Variants in POGZ observed in about 807,000 individuals in gnomAD.
The protein encoded by POGZ is pogo transposable element with ZNF domain.
In POGZ, 17 loss-of-function variants were observed where a neutral mutation model predicts 134.6. That is an observed-to-expected ratio of 0.13 (90% CI 0.09 to 0.19). POGZ has a LOEUF of 0.19. Ranked by LOEUF, POGZ falls within the 10% of genes least tolerant of loss-of-function variation. POGZ has a pLI of 1.00. For synonymous variants in POGZ, 693 were observed against 657.1 expected (o/e 1.05, Z -0.84); for missense variants, 1,306 against 1,769.7 (o/e 0.74, Z 4.70).
At chr1:151,448,957 A>T (rs145388173) in intron 1 of POGZ, among the ~76,000 whole-genome samples, 3 of 152,316 alleles carry the variant, frequency 2.0e-5, no homozygotes, top group African/African-American at 7.2e-5. Flanking sequence ...ATTTCAAACG[A>T]AATTCTCAAC....
chr1:151,452,308 A>G (rs559929322), intron 1 of POGZ, among the ~76,000 whole-genome samples: 4 of 151,944 alleles, frequency 2.6e-5, no homozygotes, highest in African/African-American at 9.6e-5. Context: ...TTTAATAGAA[A>G]TATCTTGAAA....
intron 1 of POGZ, among the ~76,000 whole-genome samples, chr1:151,452,828 C>T (rs1662296580): frequency 6.6e-6 from 1 of 151,290 alleles, no homozygotes; most frequent in Non-Finnish European, 1.5e-5. Flanking sequence ...TGTGCCACTG[C>T]ACTCTAGTCT....
At chr1:151,456,743 C>A (rs1391022472) in intron 1 of POGZ, among the ~76,000 whole-genome samples, 2 of 152,060 alleles carry the variant, frequency 1.3e-5, no homozygotes, top group African/African-American at 2.4e-5. Context: ...GCCTGAGGTC[C>A]GGAGTTCGAG....
chr1:151,457,095 C>A (rs920200086), intron 1 of POGZ, among the ~76,000 whole-genome samples: 1 of 152,132 alleles, frequency 6.6e-6, no homozygotes, highest in Non-Finnish European at 1.5e-5. Context: ...AAGAGGAGAT[C>A]CCCATGGGTC....
chr1:151,422,003 C>G (rs1033486305), intron 10 of POGZ, among the ~76,000 whole-genome samples: 22 of 152,298 alleles, frequency 1.4e-4, no homozygotes, highest in African/African-American at 5.3e-4. Context: ...CCCACCTAAG[C>G]CTCCCAAAGT....
intron 8 of POGZ, chr1:151,424,569 A>G (rs936267487): frequency 1.2e-5 from 4 of 338,392 alleles, no homozygotes; most frequent in African/African-American, 2.1e-5. Flanking sequence ...AAGAAGTTCC[A>G]ACCTTTTTAT....
At chr1:151,432,475 A>T (rs1571481505) in intron 3 of POGZ, among the ~76,000 whole-genome samples, 1 of 152,220 alleles carries the variant, frequency 6.6e-6, no homozygotes, top group Non-Finnish European at 1.5e-5. Flanking sequence ...CAGATAGATA[A>T]ATAAAACAGA....
intron 10 of POGZ, among the ~76,000 whole-genome samples, chr1:151,420,659 T>C (rs1656728020): frequency 6.6e-6 from 1 of 152,072 alleles, no homozygotes; most frequent in African/African-American, 2.4e-5. Flanking sequence ...GTCCAAAGTT[T>C]CACTGTCTAA....
rs1258923426 is a variant in POGZ, at chr1:151,402,931, C to CTG, written c.*1869_*1870dup. 1 of 152,690 alleles carries CTG rather than the reference C, an allele frequency of 6.5e-6. No homozygotes were observed. Among genetic ancestry groups the CTG allele is most frequent in the Non-Finnish European group, 1.5e-5 (1 of 68,090 alleles). 9.5% of individuals were successfully genotyped at this position (152,690 alleles called of 1,614,324 possible). The stretch of plus-strand genomic sequence containing the variant: ...TGTGCAGAAGACAGGAACCCCAGCT[C>CTG]TGCTAAGGCTGTGGCTGCTGCAGAG... On this transcript the variant is annotated 3_prime_UTR_variant, in exon 19 of 19. Coordinates refer to ENST00000271715, the MANE Select transcript of POGZ (RefSeq NM_015100.4).
At position 151,443,598 on chromosome 1, in the gene POGZ, C is replaced by T. The variant is rs572110109; in HGVS notation, c.-1-1393G>A. ...GCGTGGTGGTGCATGCCTGTAATCC[C>T]GGCTACTCGGGAGGCTGAGGCTGGA... On this transcript the variant is annotated intron_variant, in intron 1 of 18. Coordinates refer to ENST00000271715, the MANE Select transcript of POGZ (RefSeq NM_015100.4). Among the ~76,000 whole-genome samples, 19 of 152,130 alleles carry T rather than the reference C, an allele frequency of 1.2e-4. 1 individual carries two copies. The highest frequency in any genetic ancestry group is 4.3e-4 in the African/African-American group (18 of 41,480).
chr1:151,444,204 G>A (rs1000073609), intron 1 of POGZ, among the ~76,000 whole-genome samples: 2 of 152,066 alleles, frequency 1.3e-5, no homozygotes, highest in Admixed American at 6.5e-5. Flanking sequence ...AGCCACAAAG[G>A]GGGTGAGGAA....
chr1:151,408,039 A>G, intron 15 of POGZ, 61 bp downstream of exon 15: 1 of 1,303,968 alleles, frequency 7.7e-7, no homozygotes, highest in Non-Finnish European at 1.1e-6. Flanking sequence ...AAAGAAGAAG[A>G]AGAAGAAGAA....
intron 4 of POGZ, 101 bp downstream of exon 4, chr1:151,430,565 T>C (rs916169563): frequency 5.3e-5 from 46 of 862,912 alleles, no homozygotes; most frequent in Middle Eastern, 5.3e-4. Flanking sequence ...AGACAAGACT[T>C]AGAACCACTT....
Position 151,423,521 on chromosome 1 carries a change from T to C in POGZ, c.1554A>G (p.Glu518=). 6.2e-7 allele frequency: 1 copy of C among 1,613,828 alleles called. No homozygotes were observed. Among genetic ancestry groups the C allele is most frequent in the Non-Finnish European group, 8.5e-7 (1 of 1,179,790 alleles). The change falls in exon 10 of 19, where the codon GAA becomes GAG. Residue 518 remains glutamate, a synonymous_variant. Transcript: ENST00000271715. ...CTACCTCACCGTTCTGCTGATCGAG[T>C]TCTACGTGGTGTTTCATATGGTTCA... is the stretch of plus-strand genomic sequence containing the variant. The part of the protein sequence containing the change: ...RFMNHMKHHV[E]LDQQNGEVDG...
rs1012164257 is a variant in POGZ, at chr1:151,405,973, T to C, written c.3062A>G (p.Lys1021Arg). 1 of 1,614,194 alleles carries C rather than the reference T, an allele frequency of 6.2e-7. No individual in the cohort carries two copies. Among genetic ancestry groups the C allele is most frequent in the Non-Finnish European group, 8.5e-7 (1 of 1,180,026 alleles). The change falls in exon 19 of 19, where the codon AAA becomes AGA. Residue 1021 changes from lysine to arginine, a missense_variant. Transcript: ENST00000271715. The surrounding 1 kb of genome is among the most constrained non-coding windows in gnomAD (Gnocchi z 4.9). ...CTCTTCTGCCTCAAAGCTCAGATATTTGCCCTCTAGATTCTCCCCCTGGGA... is the reference window on the plus strand; with the variant it reads ...CTCTTCTGCCTCAAAGCTCAGATATCTGCCCTCTAGATTCTCCCCCTGGGA... The part of the protein sequence containing the change: ...QASQGENLEG[K>R]YLSFEAEEKL...
At chr1:151,431,441 A>G (rs1380776027) in intron 3 of POGZ, among the ~76,000 whole-genome samples, 1 of 152,234 alleles carries the variant, frequency 6.6e-6, no homozygotes, top group African/African-American at 2.4e-5. Flanking sequence ...TTTTAAAAAG[A>G]ATATTCATCA....
rs183612813 is a variant in POGZ, at chr1:151,441,591, G to A, written c.124+490C>T. 3.4e-4 allele frequency among the ~76,000 whole-genome samples: 52 copies of A among 152,260 alleles called. 1 individual carries two copies. In the East Asian group the frequency reaches 9.8e-3, roughly 29 times the overall value. ...GGGCAATCTAGAATTTGACCCAGCA[G>A]TATCACCTTTATGAAAGAAAAGCTA... On this transcript the variant is annotated intron_variant, in intron 2 of 18. Coordinates refer to ENST00000271715, the MANE Select transcript of POGZ (RefSeq NM_015100.4).
intron 3 of POGZ, among the ~76,000 whole-genome samples, chr1:151,437,088 G>A (rs1571508809): frequency 1.3e-5 from 2 of 152,120 alleles, no homozygotes; most frequent in Middle Eastern, 3.4e-3. Flanking sequence ...CAGCTACTTG[G>A]GAGACTGAGG....
intron 1 of POGZ, among the ~76,000 whole-genome samples, chr1:151,458,816 CGCGCGCGCCGCG>C (rs1189750991): frequency 6.9e-6 from 1 of 145,520 alleles, no homozygotes; most frequent in Non-Finnish European, 1.5e-5. Context: ...CGAGTGCGCG[CGCGCGCGCCGCG>C]GCGGGCGCCG....
Sources: allele counts gnomAD v4.1 joint callset (sites outside exome capture counted in the v4.1 genomes callset), GRCh38; gene constraint gnomAD v4.1.1; non-coding constraint Gnocchi (gnomAD v3.1); transcripts MANE v1.5; gene names NCBI Gene and HGNC (gene_info 2026-07-23, HGNC 2026-07-21).